Variants in RBFOX1 observed in about 807,000 individuals in gnomAD.
The protein encoded by RBFOX1 is RNA binding protein fox-1 homolog 1.
In RBFOX1, 8 loss-of-function variants were observed where a neutral mutation model predicts 57.7. The observed-to-expected ratio is 0.14, with a 90% CI of 0.08 to 0.25. RBFOX1 has a LOEUF of 0.25. Ranked by LOEUF, RBFOX1 falls within the 10% of genes least tolerant of loss-of-function variation. The pLI is 1.00. For missense variants in RBFOX1, 611 were observed against 548.5 expected (o/e 1.11, Z -1.14); for synonymous variants, 326 against 222.4 (o/e 1.47, Z -4.15).
intron 3 of RBFOX1, among the ~76,000 whole-genome samples, chr16:5,768,366 GT>G (rs147058098): frequency 6.6e-5 from 10 of 152,108 alleles, no homozygotes; most frequent in African/African-American, 1.9e-4. Flanking sequence ...TCCTACGGCT[GT>G]TTTTTTCTTT....
At chr16:7,030,828 G>C (rs550937859) in intron 3 of RBFOX1, among the ~76,000 whole-genome samples, 1 of 152,164 alleles carries the variant, frequency 6.6e-6, no homozygotes, top group Admixed American at 6.5e-5. Flanking sequence ...GACTTCATCC[G>C]TGTCTGACTC....
intron 4 of RBFOX1, among the ~76,000 whole-genome samples, chr16:7,426,407 T>G (rs1411774233): frequency 2.0e-5 from 3 of 152,176 alleles, no homozygotes; most frequent in African/African-American, 4.8e-5. Context: ...ATTGGGCCTG[T>G]TTTCTTATTA....
intron 5 of RBFOX1, among the ~76,000 whole-genome samples, chr16:7,530,996 C>A (rs963030040): frequency 6.6e-6 from 1 of 152,142 alleles, no homozygotes; most frequent in African/African-American, 2.4e-5. Flanking sequence ...GACAGAAGTT[C>A]CACGGGCAAG....
intron 1 of RBFOX1, among the ~76,000 whole-genome samples, chr16:6,308,494 A>G (rs1395928992): frequency 1.3e-5 from 2 of 152,196 alleles, no homozygotes; most frequent in African/African-American, 2.4e-5. Flanking sequence ...TGTTGACTTG[A>G]CTGGTGGACC....
intron 1 of RBFOX1, among the ~76,000 whole-genome samples, chr16:5,360,793 A>G (rs2065526491): frequency 6.6e-6 from 1 of 152,212 alleles, no homozygotes; most frequent in African/African-American, 2.4e-5. Context: ...GGATTCAATG[A>G]AATCGTACAA....
chr16:6,866,439 T>C (rs151204025), intron 3 of RBFOX1, among the ~76,000 whole-genome samples: 1 of 151,552 alleles, frequency 6.6e-6, no homozygotes, highest in Admixed American at 6.6e-5. Context: ...GTCTTTCCCA[T>C]CTGCATCTTC....
intron 1 of RBFOX1, among the ~76,000 whole-genome samples, chr16:5,286,082 T>C (rs2063387883): frequency 6.6e-6 from 1 of 152,096 alleles, no homozygotes; most frequent in Non-Finnish European, 1.5e-5. Flanking sequence ...ACTGCAGTTG[T>C]TATTGGAGGC....
rs552709753 is a variant in RBFOX1, at chr16:7,291,362, C to T, written c.28-226785C>T. 3.3e-5 allele frequency among the ~76,000 whole-genome samples: 5 copies of T among 152,202 alleles called. No homozygotes were observed. In the South Asian group the frequency reaches 8.3e-4, roughly 25 times the overall value. On this transcript the variant is annotated intron_variant, in intron 4 of 15. Transcript: ENST00000550418. ...CTGAGACTGAGAGCAAAGGAACTTA[C>T]CTAAGTATAGCTTTTTCCCCCTTTT...
At chr16:5,815,060 C>A (rs940261948) in intron 3 of RBFOX1, among the ~76,000 whole-genome samples, 2 of 151,788 alleles carry the variant, frequency 1.3e-5, no homozygotes, top group African/African-American at 2.4e-5. Context: ...TCTAGCTCAC[C>A]GCAGCCCCAA....
chr16:7,686,402 G>C (rs1037172808), intron 14 of RBFOX1, among the ~76,000 whole-genome samples: 11 of 151,996 alleles, frequency 7.2e-5, no homozygotes, highest in Non-Finnish European at 1.3e-4. Flanking sequence ...TTCTGCTCAT[G>C]GATCAGCTTA....
At chr16:6,049,046 C>T (rs1369486981) in intron 1 of RBFOX1, among the ~76,000 whole-genome samples, 1 of 138,708 alleles carries the variant, frequency 7.2e-6, no homozygotes, top group Non-Finnish European at 1.5e-5. Context: ...CTTACATCTT[C>T]TAACAGCTTT....
chr16:7,575,698 A>G (rs565537698), intron 5 of RBFOX1, among the ~76,000 whole-genome samples: 52 of 152,352 alleles, frequency 3.4e-4, no homozygotes, highest in Admixed American at 9.8e-4. Flanking sequence ...TTAAGCCGCC[A>G]GCTTTATGGT....
At chr16:7,018,720 C>T (rs1465136961) in intron 3 of RBFOX1, among the ~76,000 whole-genome samples, 2 of 151,728 alleles carry the variant, frequency 1.3e-5, no homozygotes, top group Non-Finnish European at 2.9e-5. Flanking sequence ...AGCACACCAA[C>T]ATGGCACCTG....
chr16:5,561,589 A>G (rs945714004), intron 2 of RBFOX1, among the ~76,000 whole-genome samples: 1 of 152,178 alleles, frequency 6.6e-6, no homozygotes, highest in Admixed American at 6.5e-5. Flanking sequence ...AGGGGTGACG[A>G]TATAAGGTTT....
intron 3 of RBFOX1, among the ~76,000 whole-genome samples, chr16:6,904,762 A>G (rs1245186988): frequency 2.6e-5 from 4 of 152,070 alleles, no homozygotes; most frequent in African/African-American, 9.7e-5. Flanking sequence ...TGGGAAGGCC[A>G]GTTCACCTGC....
At chr16:7,522,269 G>A (rs778495011) in intron 5 of RBFOX1, among the ~76,000 whole-genome samples, 5 of 152,210 alleles carry the variant, frequency 3.3e-5, no homozygotes, top group Admixed American at 6.5e-5. Flanking sequence ...ATCAAGAGTA[G>A]GGAGTGAAGA....
intron 1 of RBFOX1, among the ~76,000 whole-genome samples, chr16:6,261,061 C>G (rs940939372): frequency 6.6e-6 from 1 of 152,250 alleles, no homozygotes; most frequent in East Asian, 1.9e-4. Flanking sequence ...ACTTGTATAA[C>G]TTGCAATGTG....
At chr16:7,134,316 A>G (rs12446536) in intron 4 of RBFOX1, among the ~76,000 whole-genome samples, 107,604 of 152,024 alleles carry the variant, frequency 0.71, 39,599 homozygotes, top group Admixed American at 0.8. Flanking sequence ...AAATTCAGAA[A>G]GTAGACTAAG....
At chr16:6,717,057 A>G (rs894253952) in intron 3 of RBFOX1, among the ~76,000 whole-genome samples, 2 of 152,176 alleles carry the variant, frequency 1.3e-5, no homozygotes, top group African/African-American at 4.8e-5. Context: ...GAAGGCTGCC[A>G]TGTGCAAACC....
Sources: gnomAD v4.1 joint callset for allele counts (sites outside exome capture counted in the v4.1 genomes callset) on GRCh38, gnomAD v4.1.1 for gene constraint, MANE v1.5 for transcripts, NCBI Gene and HGNC (gene_info 2026-07-23, HGNC 2026-07-21) for gene names.